The following TMEM217B variants were observed in gnomAD, a reference collection of about 807,000 sequenced individuals.
TMEM217B encodes transmembrane protein 217B.
chr6:37,250,846 T>C, the TMEM217B span, among the ~76,000 whole-genome samples: 2 of 152,270 alleles, frequency 1.3e-5, no homozygotes, highest in Non-Finnish European at 2.9e-5. Context: ...CCTTTAAGTT[T>C]ACTTTAACTC....
the TMEM217B span, among the ~76,000 whole-genome samples, chr6:37,231,598 G>A: frequency 6.7e-6 from 1 of 149,120 alleles, no homozygotes; most frequent in African/African-American, 2.5e-5. Flanking sequence ...GCGTGAACCC[G>A]GGAGGTGGGG....
chr6:37,216,661 G>A, the TMEM217B span, among the ~76,000 whole-genome samples: 1 of 152,170 alleles, frequency 6.6e-6, no homozygotes, highest in Non-Finnish European at 1.5e-5. Context: ...AGGACAGCTT[G>A]CCAAATGGTG....
At chr6:37,226,743 T>C in the TMEM217B span, among the ~76,000 whole-genome samples, 1 of 151,976 alleles carries the variant, frequency 6.6e-6, no homozygotes, top group Non-Finnish European at 1.5e-5. Context: ...TTTGTATTTT[T>C]AGTAGAGAGG....
chr6:37,253,081 T>C, the TMEM217B span, among the ~76,000 whole-genome samples: 30 of 152,212 alleles, frequency 2.0e-4, no homozygotes, highest in Admixed American at 2.0e-3. Flanking sequence ...ACCCATATAT[T>C]CTTATTGAAA....
At chr6:37,229,052 A>G in the TMEM217B span, among the ~76,000 whole-genome samples, 1,056 of 152,188 alleles carry the variant, frequency 6.9e-3, 4 homozygotes, top group Non-Finnish European at 0.011. Context: ...AACATTTAAT[A>G]AAAGCTTACT....
At chr6:37,227,105 C>T in the TMEM217B span, among the ~76,000 whole-genome samples, 1 of 152,214 alleles carries the variant, frequency 6.6e-6, no homozygotes, top group Non-Finnish European at 1.5e-5. Context: ...CCAAAACTGA[C>T]TCACTTGTCT....
the TMEM217B span, chr6:37,212,459 A>G: frequency 2.2e-5 from 10 of 447,714 alleles, no homozygotes; most frequent in Admixed American, 2.4e-4. Context: ...ACAGGTAGTC[A>G]TGAGTTCACT....
the TMEM217B span, among the ~76,000 whole-genome samples, chr6:37,228,827 C>G: frequency 6.7e-6 from 1 of 150,242 alleles, no homozygotes; most frequent in Non-Finnish European, 1.5e-5. Context: ...GAAACCCCGT[C>G]TCTACTAAAA....
the TMEM217B span, chr6:37,218,722 GA>G: frequency 7.4e-6 from 12 of 1,613,962 alleles, no homozygotes; most frequent in South Asian, 4.4e-5. Flanking sequence ...CAGTTTCATA[GA>G]AAAAAATCCA....
chr6:37,220,725 C>T, the TMEM217B span, among the ~76,000 whole-genome samples: 2 of 152,098 alleles, frequency 1.3e-5, no homozygotes, highest in Admixed American at 6.6e-5. Context: ...TAAGAATCTT[C>T]ATCAGTAATT....
chr6:37,223,029 A>C, the TMEM217B span, among the ~76,000 whole-genome samples: 2 of 152,266 alleles, frequency 1.3e-5, no homozygotes, highest in East Asian at 3.8e-4. Context: ...ACACAGATTA[A>C]GGAATAATTA....
chr6:37,225,026 A>T, the TMEM217B span, among the ~76,000 whole-genome samples: 1 of 150,980 alleles, frequency 6.6e-6, no homozygotes, highest in Non-Finnish European at 1.5e-5. Flanking sequence ...AAAAAAAAAA[A>T]CACCACCACC....
At chr6:37,220,481 C>T in the TMEM217B span, among the ~76,000 whole-genome samples, 1 of 151,818 alleles carries the variant, frequency 6.6e-6, no homozygotes, top group African/African-American at 2.4e-5. Flanking sequence ...GAAAAGTTGG[C>T]TTGTTAACTA....
the TMEM217B span, among the ~76,000 whole-genome samples, chr6:37,220,730 G>T: frequency 6.6e-6 from 1 of 152,000 alleles, no homozygotes; most frequent in Non-Finnish European, 1.5e-5. Flanking sequence ...ATCTTCATCA[G>T]TAATTTTTCA....
At chr6:37,247,234 A>G in the TMEM217B span, among the ~76,000 whole-genome samples, 1 of 152,106 alleles carries the variant, frequency 6.6e-6, no homozygotes, top group Non-Finnish European at 1.5e-5. Flanking sequence ...AGAGCTACTT[A>G]TGGTTAATTT....
the TMEM217B span, chr6:37,257,682 C>A: frequency 1.1e-5 from 6 of 532,424 alleles, no homozygotes; most frequent in Admixed American, 1.4e-4. Context: ...TCGGCTTCAG[C>A]GGCCTGCAGG....
chr6:37,219,748 T>A, the TMEM217B span, among the ~76,000 whole-genome samples: 8 of 152,000 alleles, frequency 5.3e-5, no homozygotes, highest in African/African-American at 1.9e-4. Flanking sequence ...AAAAAAATTA[T>A]GCTGTTAACT....
chr6:37,242,158 C>T, the TMEM217B span, among the ~76,000 whole-genome samples: 11 of 152,254 alleles, frequency 7.2e-5, no homozygotes, highest in African/African-American at 2.6e-4. Flanking sequence ...GTCCAGACTT[C>T]AGTGGTCCCA....
chr6:37,215,275 T>C, the TMEM217B span: 2 of 1,613,454 alleles, frequency 1.2e-6, no homozygotes, highest in African/African-American at 1.3e-5. Context: ...AATATGCTAG[T>C]GTGGAAGCTA....
Sources: allele counts gnomAD v4.1 joint callset (sites outside exome capture counted in the v4.1 genomes callset), GRCh38; gene constraint gnomAD v4.1.1; transcripts MANE v1.5; gene names NCBI Gene and HGNC (gene_info 2026-07-23, HGNC 2026-07-21).